Variants in HEPHL1 observed in about 807,000 individuals in gnomAD.
HEPHL1 encodes ferroxidase HEPHL1.
Under a neutral mutation model 122.0 loss-of-function variants are expected in HEPHL1, and 123 were observed. The ratio of observed to expected loss-of-function variants is 1.01; its 90% confidence interval spans 0.87 to 1.17. HEPHL1 has a LOEUF of 1.17. Among genes scored for constraint, HEPHL1 ranks in the 50% most tolerant of loss-of-function variants. The pLI is 0.00. For synonymous variants in HEPHL1, 527 were observed against 508.9 expected, an observed-to-expected ratio of 1.04 and a Z score of -0.48; for missense variants, 1,452 against 1,430.5, an observed-to-expected ratio of 1.01 and a Z score of -0.24.
chr11:94,033,436 T>C (rs976337823), intron 1 of HEPHL1, among the ~76,000 whole-genome samples: 1 of 152,116 alleles, frequency 6.6e-6, no homozygotes, highest in African/African-American at 2.4e-5. Context: ...TGGAGCACTG[T>C]GTGGCCTGGC....
chr11:94,078,847 C>T (rs958350772), intron 9 of HEPHL1, among the ~76,000 whole-genome samples: 1 of 152,062 alleles, frequency 6.6e-6, no homozygotes, highest in Non-Finnish European at 1.5e-5. Context: ...TTGTTAATCT[C>T]ATCCAAAAAC....
intron 11 of HEPHL1, among the ~76,000 whole-genome samples, chr11:94,088,523 T>A (rs1196404149): frequency 6.6e-6 from 1 of 151,636 alleles, no homozygotes; most frequent in Non-Finnish European, 1.5e-5. Flanking sequence ...ATTGTAAGTT[T>A]CTTTTTTTAT....
chr11:94,091,919 T>A (rs1325300470), intron 12 of HEPHL1, among the ~76,000 whole-genome samples: 1 of 152,108 alleles, frequency 6.6e-6, no homozygotes, highest in East Asian at 1.9e-4. Context: ...GGGCTAGTGA[T>A]GGGAAATGAG....
Position 94,103,114 on chromosome 11 carries a change from G to A in HEPHL1, c.2682+94G>A, listed in dbSNP as rs562959442. The A allele has an allele frequency of 1.1e-4, 79 of 740,880 alleles. 1 individual carries two copies. The highest frequency in any genetic ancestry group is 9.6e-4 in the African/African-American group (55 of 57,364). The allele number at this position is 740,880 out of a possible 1,614,324, so 45.9% of individuals were successfully genotyped here. ...AATTTGGGTTGGTATATGTGAAAGC[G>A]TATAATGATTTAGAGCAAGGGTCTC... On this transcript the variant is annotated intron_variant, in intron 15 of 19. Transcript: ENST00000315765.
rs745627455 is a variant in HEPHL1 at position 94,067,562 on chromosome 11, G to A, written c.875G>A (p.Trp292Ter). Residue 292 changes from tryptophan (W) to a stop codon, truncating the protein, a stop_gained, in exon 5 of 20, where the codon TGG becomes TAG. Coordinates refer to ENST00000315765, the MANE Select transcript of HEPHL1 (RefSeq NM_001098672.2). LOFTEE classifies it high-confidence loss of function. ...ATGTGTGTTGGAGAATCTGTGTCCT[G>A]GCACCTATTTGGAATGGGGAATGAA... is the stretch of plus-strand genomic sequence containing the variant. Reference protein sequence around the residue: ...PDMCVGESVSWHLFGMGNEID... With the variant: ...PDMCVGESVS 6.2e-7 allele frequency: 1 copy of A among 1,613,538 alleles called. No homozygotes were observed. The highest frequency in any genetic ancestry group is 8.5e-7 in the Non-Finnish European group (1 of 1,179,594).
At chr11:94,061,518 G>A (rs1945984958) in intron 2 of HEPHL1, among the ~76,000 whole-genome samples, 1 of 152,070 alleles carries the variant, frequency 6.6e-6, no homozygotes, top group African/African-American at 2.4e-5. Flanking sequence ...GCTGACAATA[G>A]TATCAAATGC....
intron 12 of HEPHL1, 97 bp downstream of exon 12, chr11:94,089,065 C>A: frequency 9.0e-7 from 1 of 1,109,760 alleles, no homozygotes; most frequent in Non-Finnish European, 1.4e-6. Flanking sequence ...CAGGTTGTGT[C>A]TCCACAGTTC....
rs774812246 is a variant in HEPHL1 at position 94,088,894 on chromosome 11, A to G, written c.2220A>G (p.Glu740=). 6 of 1,614,018 alleles carry G rather than the reference A, an allele frequency of 3.7e-6. No homozygotes were observed. The East Asian group carries it at 1.1e-4, about 30-fold the overall frequency. ...GMIRTFYIAA[E]EVEWDYAPNK... is the part of the protein sequence containing the mutation. ...TAAGAACTTTTTACATCGCCGCTGAAGAAGTAGAATGGGATTATGCCCCTA... is the reference window on the plus strand; with the variant it reads ...TAAGAACTTTTTACATCGCCGCTGAGGAAGTAGAATGGGATTATGCCCCTA... Residue 740 remains glutamate, a synonymous_variant, in exon 12 of 20, where the codon GAA becomes GAG. Transcript: ENST00000315765.
At chr11:94,044,451 C>CA (rs1945815563) in intron 1 of HEPHL1, among the ~76,000 whole-genome samples, 1 of 152,156 alleles carries the variant, frequency 6.6e-6, no homozygotes, top group Non-Finnish European at 1.5e-5. Context: ...TTATGTCACC[C>CA]ATTTTGTGAA....
At chr11:94,046,299 C>T (rs145285521) in intron 2 of HEPHL1, among the ~76,000 whole-genome samples, 88 of 150,944 alleles carry the variant, frequency 5.8e-4, no homozygotes, top group African/African-American at 2.0e-3. Context: ...GGTTTCACCA[C>T]GTTGGCCAAG....
chr11:94,095,229 C>G (rs1946301127), intron 13 of HEPHL1, among the ~76,000 whole-genome samples: 3 of 152,122 alleles, frequency 2.0e-5, no homozygotes, highest in Admixed American at 2.0e-4. Flanking sequence ...GCCAGTTTTC[C>G]CAGCACCATT....
At chr11:94,038,191 G>A (rs1945743159) in intron 1 of HEPHL1, among the ~76,000 whole-genome samples, 1 of 150,842 alleles carries the variant, frequency 6.6e-6, no homozygotes, top group East Asian at 1.9e-4. Context: ...AAAGAAATGA[G>A]CAAAGCCTCC....
chr11:94,090,899 C>T (rs1946259759), intron 12 of HEPHL1, among the ~76,000 whole-genome samples: 1 of 152,074 alleles, frequency 6.6e-6, no homozygotes, highest in Non-Finnish European at 1.5e-5. Flanking sequence ...TTGGGGCTTC[C>T]TAAAACATGC....
At chr11:94,036,711 C>T (rs1005376081) in intron 1 of HEPHL1, among the ~76,000 whole-genome samples, 5 of 152,016 alleles carry the variant, frequency 3.3e-5, no homozygotes, top group East Asian at 1.9e-4. Flanking sequence ...TGGTGGCAGG[C>T]GCCTGTAGTC....
intron 13 of HEPHL1, among the ~76,000 whole-genome samples, chr11:94,099,642 G>A (rs1273967811): frequency 6.6e-6 from 1 of 152,170 alleles, no homozygotes; most frequent in Admixed American, 6.5e-5. Context: ...AGGCCTCCTC[G>A]AGCTGCGGTG....
At chr11:94,035,044 T>C (rs757379636) in intron 1 of HEPHL1, among the ~76,000 whole-genome samples, 6 of 152,190 alleles carry the variant, frequency 3.9e-5, no homozygotes, top group Non-Finnish European at 7.3e-5. Context: ...TACAATTACA[T>C]CTAAATGCCT....
rs376839879 is a variant in HEPHL1 at position 94,064,468 on chromosome 11, G to A, written c.766G>A (p.Asp256Asn). 3.1e-6 allele frequency: 5 copies of A among 1,613,174 alleles called. No individual in the cohort carries two copies. Among genetic ancestry groups the A allele is most frequent in the African/African-American group, 1.3e-5 (1 of 74,886 alleles). The stretch of plus-strand genomic sequence containing the variant: ...TTTCTGCACCAACCCTGATTCAGTT[G>A]ACAAGAAAGATGCTGTTTTCCAGAG... ...KHFCTNPDSVDKKDAVFQRSN... is the reference protein window; with the variant it reads ...KHFCTNPDSVNKKDAVFQRSN... The change falls in exon 4 of 20, where the codon GAC (aspartate) becomes AAC (asparagine). Residue 256 changes from aspartate to asparagine, a missense_variant. Transcript: ENST00000315765.
At chr11:94,107,894 A>G (rs1211043004) in intron 17 of HEPHL1, among the ~76,000 whole-genome samples, 4 of 151,796 alleles carry the variant, frequency 2.6e-5, no homozygotes, top group Admixed American at 6.5e-5. Flanking sequence ...ATTTTCCTTG[A>G]GAAAATACCT....
In HEPHL1 at chr11:94,101,256, T is replaced by G; in HGVS notation, c.2496T>G (p.Ser832Arg). 6.2e-7 allele frequency: 1 copy of G among 1,613,944 alleles called. No individual in the cohort carries two copies. Among genetic ancestry groups the G allele is most frequent in the Non-Finnish European group, 8.5e-7 (1 of 1,179,834 alleles). ...TGATCATATTTAAGAACAAAGCCAG[T>G]AGGCCCTACTCCATCTCAGCCCAGG... is the stretch of plus-strand genomic sequence containing the variant. ...TVLIIFKNKA[S>R]RPYSISAQGV... Residue 832 changes from serine to arginine, a missense_variant, in exon 14 of 20, where the codon AGT becomes AGG. Ser to Arg is a moderately radical substitution (Grantham distance 110). Coordinates refer to ENST00000315765, the MANE Select transcript of HEPHL1 (RefSeq NM_001098672.2).
Sources: gnomAD v4.1 joint callset for allele counts (sites outside exome capture counted in the v4.1 genomes callset) on GRCh38, gnomAD v4.1.1 for gene constraint, MANE v1.5 for transcripts, NCBI Gene and HGNC (gene_info 2026-07-23, HGNC 2026-07-21) for gene names.